The following PSMA2 variants were observed in gnomAD, a reference collection of about 807,000 sequenced individuals.
PSMA2 encodes the protein proteasome subunit alpha type-2.
In PSMA2, 2 loss-of-function variants were observed where a neutral mutation model predicts 35.9. That is an observed-to-expected ratio of 0.06 (90% CI 0.02 to 0.18). The LOEUF is 0.18. PSMA2 is among the 10% of genes least tolerant of loss of function. The probability of loss-of-function intolerance (pLI) is 1.00; values close to 1 mark genes in which losing one functional copy is unlikely to be tolerated. For synonymous variants in PSMA2, 97 were observed against 98.2 expected (o/e 0.99, Z 0.07); for missense variants, 126 against 278.8 (o/e 0.45, Z 3.90).
intron 6 of PSMA2, chr7:42,920,291 T>C (rs569264297): frequency 5.9e-5 from 12 of 202,822 alleles, no homozygotes; most frequent in Non-Finnish European, 1.0e-4. Flanking sequence ...TGAAGGGAGG[T>C]TGAGTTATCC....
chr7:42,925,199 C>T (rs915871450), intron 3 of PSMA2, among the ~76,000 whole-genome samples: 11 of 152,336 alleles, frequency 7.2e-5, no homozygotes, highest in African/African-American at 1.9e-4. Flanking sequence ...TTTCTGCAGA[C>T]TGTTTCAATC....
chr7:42,929,586 A>G (rs879602790), intron 1 of PSMA2, among the ~76,000 whole-genome samples: 1 of 152,156 alleles, frequency 6.6e-6, no homozygotes. Context: ...CCTACATGGG[A>G]TAACTGAAAT....
chr7:42,921,138 A>G (rs1189181800), intron 6 of PSMA2: 3 of 152,192 alleles, frequency 2.0e-5, no homozygotes, highest in Non-Finnish European at 2.9e-5. Flanking sequence ...CAGAACAGCT[A>G]GAAGATCTGC....
intron 1 of PSMA2, among the ~76,000 whole-genome samples, chr7:42,927,916 AAG>A (rs1459898152): frequency 6.6e-6 from 1 of 151,506 alleles, no homozygotes; most frequent in African/African-American, 2.4e-5. Flanking sequence ...CAAAAAAAAA[AAG>A]AGAAAGACAG....
chr7:42,927,551 T>C, intron 1 of PSMA2, 92 bp from the exon 2 acceptor site: 1 of 1,212,054 alleles, frequency 8.3e-7, no homozygotes, highest in Non-Finnish European at 1.2e-6. Flanking sequence ...ACAGGTCAAA[T>C]CCAATTTATC....
At chr7:42,928,527 A>C (rs571093163) in intron 1 of PSMA2, among the ~76,000 whole-genome samples, 1 of 152,342 alleles carries the variant, frequency 6.6e-6, no homozygotes. Context: ...CAAGTCTCAA[A>C]CTGGCCTTTT....
chr7:42,930,745 A>G (rs1050702702), intron 1 of PSMA2, among the ~76,000 whole-genome samples: 13 of 151,612 alleles, frequency 8.6e-5, no homozygotes, highest in African/African-American at 2.9e-4. Context: ...GCACACCTCT[A>G]GTCCCAGCTA....
chr7:42,917,469 C>A lies in PSMA2; in HGVS notation c.*105G>T. ...TCATTTTAAAAACAGTCGATTTAAA[C>A]CATGTAGAAATAAGTATGCAAAAAG... On this transcript the variant is annotated 3_prime_UTR_variant, in exon 8 of 8. Coordinates refer to ENST00000223321, the MANE Select transcript of PSMA2 (RefSeq NM_002787.5). 1 of 826,120 alleles carries A rather than the reference C, an allele frequency of 1.2e-6. No individual in the cohort carries two copies. The highest frequency in any genetic ancestry group is 2.0e-6 in the Non-Finnish European group (1 of 509,282). The allele number at this position is 826,120 out of a possible 1,614,324, so 51.2% of individuals were successfully genotyped here. A position where few individuals can be genotyped will look rare whatever the true frequency, so the allele number is the denominator to read the frequency against.
At chr7:42,925,071 C>T (rs1019830176) in intron 3 of PSMA2, among the ~76,000 whole-genome samples, 2 of 151,994 alleles carry the variant, frequency 1.3e-5, no homozygotes, top group Non-Finnish European at 2.9e-5. Flanking sequence ...CAAGACTGTA[C>T]CCCCATCCAA....
At chr7:42,919,187 A>C (rs1034244877) in intron 6 of PSMA2, 4 of 595,404 alleles carry the variant, frequency 6.7e-6, no homozygotes, top group Non-Finnish European at 1.3e-5. Flanking sequence ...TGCCAGGGAG[A>C]TACAGGAGAC....
At position 42,932,023 on chromosome 7, in the gene PSMA2, G is replaced by C. The variant is rs1192480818; in HGVS notation, c.41+95C>G. The C allele has an allele frequency of 2.0e-6, 3 of 1,515,842 alleles. No homozygotes were observed. The African/African-American group carries it at 4.1e-5, about 21-fold the overall frequency. The allele number at this position is 1,515,842 out of a possible 1,614,324, so 93.9% of individuals were successfully genotyped here. A position where few individuals can be genotyped will look rare whatever the true frequency, so the allele number is the denominator to read the frequency against. ...ACTCCATTCCCTACTGGACCCTCCA[G>C]AAGCACCAATGCCGACGTCAGGATG... On this transcript the variant is annotated intron_variant, in intron 1 of 7. Transcript: ENST00000223321.
chr7:42,928,265 C>G (rs1055093679), intron 1 of PSMA2, among the ~76,000 whole-genome samples: 1 of 152,192 alleles, frequency 6.6e-6, no homozygotes, highest in Admixed American at 6.5e-5. Flanking sequence ...ATAAAACTGT[C>G]TGGCATAAAA....
intron 1 of PSMA2, chr7:42,931,241 T>A (rs1405752931): frequency 4.8e-6 from 2 of 412,978 alleles, no homozygotes; most frequent in Non-Finnish European, 9.6e-6. Flanking sequence ...ACAAGTTAGA[T>A]CCCGCCTGCC....
Position 42,925,465 on chromosome 7 carries a change from T to C in PSMA2, c.252-668A>G, listed in dbSNP as rs113872521. Among the ~76,000 whole-genome samples, 1,136 of 152,286 alleles carry C rather than the reference T, an allele frequency of 7.5e-3. 15 individuals carry two copies. The highest frequency in any genetic ancestry group is 0.026 in the African/African-American group (1,082 of 41,546). On this transcript the variant is annotated intron_variant, in intron 3 of 7. Coordinates refer to ENST00000223321, the MANE Select transcript of PSMA2 (RefSeq NM_002787.5). The stretch of plus-strand genomic sequence containing the variant: ...GAGTACATAACTCCTCTTTTCTCTG[T>C]TTAATGGACTTTCCTTTCTGACATA...
chr7:42,927,480 T>C, intron 1 of PSMA2, 21 bp from the exon 2 acceptor site: 2 of 1,603,128 alleles, frequency 1.2e-6, no homozygotes, highest in Non-Finnish European at 1.7e-6. Flanking sequence ...ACACAGGTAT[T>C]TGTAAGTTCA....
intron 6 of PSMA2, chr7:42,919,496 G>A (rs1166077446): frequency 3.8e-6 from 2 of 519,482 alleles, no homozygotes; most frequent in African/African-American, 3.9e-5. Flanking sequence ...AGGCCCTATG[G>A]TACAGTGAGG....
At chr7:42,919,161 C>A in intron 6 of PSMA2, 1 of 545,418 alleles carries the variant, frequency 1.8e-6, no homozygotes, top group South Asian at 1.6e-5. Context: ...CTTGCAAAGA[C>A]GGCAAACCTA....
Position 42,924,926 on chromosome 7 carries a change from CA to C in PSMA2, c.252-130del, listed in dbSNP as rs1395318541. On this transcript the variant is annotated intron_variant, in intron 3 of 7. Transcript: ENST00000223321. ...ATCTCTTTAATGGTGGCTATTGGAT[CA>C]AAGCTAGTCTTACTCTAACACTGGA... 1.1e-5 allele frequency: 9 copies of C among 786,438 alleles called. No individual in the cohort carries two copies. The Admixed American group carries it at 3.0e-4, about 26-fold the overall frequency. The allele number at this position is 786,438 out of a possible 1,614,324, so 48.7% of individuals were successfully genotyped here.
chr7:42,928,107 G>T (rs1786241690), intron 1 of PSMA2, among the ~76,000 whole-genome samples: 1 of 152,092 alleles, frequency 6.6e-6, no homozygotes. Context: ...ACCACAACTG[G>T]TTTTCCGTAT....
Sources: gnomAD v4.1 joint callset for allele counts (sites outside exome capture counted in the v4.1 genomes callset) on GRCh38, gnomAD v4.1.1 for gene constraint, MANE v1.5 for transcripts, NCBI Gene and HGNC (gene_info 2026-07-23, HGNC 2026-07-21) for gene names.